Variants in TLL1 observed in about 807,000 individuals in gnomAD.
TLL1 encodes tolloid like 1, also known as tolloid-like protein 1.
Under a neutral mutation model 128.2 loss-of-function variants are expected in TLL1, and 49 were observed. That is an observed-to-expected ratio of 0.38 (90% CI 0.30 to 0.48). The LOEUF (loss-of-function observed/expected upper bound fraction) is 0.48. TLL1 is among the 20% of genes least tolerant of loss of function. The probability of loss-of-function intolerance (pLI) is 0.96; values close to 1 mark genes in which losing one functional copy is unlikely to be tolerated. For missense variants in TLL1, 1,123 were observed against 1,242.0 expected (o/e 0.90, Z 1.44); for synonymous variants, 454 against 418.8 (o/e 1.08, Z -1.03).
intron 7 of TLL1, 91 bp from the exon 8 acceptor site, chr4:166,014,345 C>A: frequency 6.3e-7 from 1 of 1,586,926 alleles, no homozygotes; most frequent in Non-Finnish European, 8.6e-7. Flanking sequence ...CTTTGATTGA[C>A]TTGAGTTTGA....
intron 9 of TLL1, among the ~76,000 whole-genome samples, chr4:166,026,679 C>T (rs1026889095): frequency 6.6e-6 from 1 of 150,868 alleles, no homozygotes; most frequent in African/African-American, 2.4e-5. Context: ...AAGAGCGAAA[C>T]TCTGTCTCAA....
At chr4:166,077,533 A>C (rs556938636) in intron 17 of TLL1, among the ~76,000 whole-genome samples, 1 of 152,190 alleles carries the variant, frequency 6.6e-6, no homozygotes, top group Non-Finnish European at 1.5e-5. Flanking sequence ...GGCATAGTCC[A>C]ATGATGTTTG....
chr4:165,961,963 T>C (rs1017795152), intron 1 of TLL1, among the ~76,000 whole-genome samples: 24 of 152,146 alleles, frequency 1.6e-4, no homozygotes, highest in African/African-American at 5.8e-4. Context: ...AAACATGACC[T>C]CAAAATACAA....
At chr4:165,936,164 T>TTA (rs1218057058) in intron 1 of TLL1, among the ~76,000 whole-genome samples, 1 of 149,988 alleles carries the variant, frequency 6.7e-6, no homozygotes, top group Admixed American at 6.6e-5. Context: ...CCACTATAAT[T>TTA]AAAATAATTA....
chr4:165,963,050 G>C (rs182414673), intron 1 of TLL1, among the ~76,000 whole-genome samples: 1 of 86,100 alleles, frequency 1.2e-5, no homozygotes, highest in Non-Finnish European at 1.8e-5. Context: ...GCGAGGCTCT[G>C]TCTCAAAAAA....
chr4:165,966,724 G>T lies in TLL1; in HGVS notation c.170-22657G>T, dbSNP rs144893855. Reference sequence around the variant, plus strand: ...TTATTATGGATTTCAAAAGGGGAGGGGTGTACAAATAGGGTATGGGTCACA... The same window carrying T: ...TTATTATGGATTTCAAAAGGGGAGGTGTGTACAAATAGGGTATGGGTCACA... On this transcript the variant is annotated intron_variant, in intron 1 of 20. Coordinates refer to ENST00000061240, the MANE Select transcript of TLL1 (RefSeq NM_012464.5). 1.9e-3 allele frequency among the ~76,000 whole-genome samples: 292 copies of T among 152,144 alleles called. 1 individual carries two copies. The highest frequency in any genetic ancestry group is 6.4e-3 in the African/African-American group (264 of 41,486).
chr4:165,876,752 C>A (rs1306152372), intron 1 of TLL1, among the ~76,000 whole-genome samples: 2 of 152,174 alleles, frequency 1.3e-5, no homozygotes, highest in African/African-American at 2.4e-5. Flanking sequence ...CTGTATTTGA[C>A]AATTACACTG....
At chr4:166,018,117 T>C (rs778080449) in intron 8 of TLL1, among the ~76,000 whole-genome samples, 1 of 152,136 alleles carries the variant, frequency 6.6e-6, no homozygotes, top group Non-Finnish European at 1.5e-5. Context: ...AAGCTGAGTA[T>C]TCCTTTGGAG....
intron 1 of TLL1, among the ~76,000 whole-genome samples, chr4:165,931,662 T>A (rs1247941676): frequency 6.9e-6 from 1 of 144,662 alleles, no homozygotes; most frequent in Non-Finnish European, 1.5e-5. Context: ...GAGCTTGCAG[T>A]GAGCTGAGAT....
chr4:166,065,883 G>T lies in TLL1; in HGVS notation c.2188+20G>T, dbSNP rs369437674. 7.7e-5 allele frequency: 113 copies of T among 1,468,050 alleles called. No individual in the cohort carries two copies. In the African/African-American group the frequency reaches 2.7e-3, roughly 35 times the overall value. 90.9% of individuals were successfully genotyped at this position (1,468,050 alleles called of 1,614,324 possible). ...TCTCAGGTATAAGCATTCACATGTT[G>T]TATGTGTATATTACAGATTTTCAAT... On this transcript the variant is annotated intron_variant, in intron 16 of 20. Coordinates refer to ENST00000061240, the MANE Select transcript of TLL1 (RefSeq NM_012464.5).
intron 1 of TLL1, among the ~76,000 whole-genome samples, chr4:165,896,903 C>T (rs925178449): frequency 3.0e-4 from 45 of 152,204 alleles, no homozygotes; most frequent in African/African-American, 9.9e-4. Context: ...CACATCCTCT[C>T]CAGCATCTGT....
chr4:166,043,809 T>G (rs899233675), intron 12 of TLL1, among the ~76,000 whole-genome samples: 96 of 120,030 alleles, frequency 8.0e-4, no homozygotes, highest in Non-Finnish European at 1.4e-3. Context: ...CAAAACATTT[T>G]TCACCTTTTT....
chr4:166,023,808 T>C (rs1738359050), intron 8 of TLL1, among the ~76,000 whole-genome samples: 1 of 152,234 alleles, frequency 6.6e-6, no homozygotes, highest in Admixed American at 6.5e-5. Flanking sequence ...GTATATTTAA[T>C]TTATTTAATT....
intron 1 of TLL1, among the ~76,000 whole-genome samples, chr4:165,953,094 G>T (rs1303380295): frequency 6.6e-6 from 1 of 152,080 alleles, no homozygotes; most frequent in Non-Finnish European, 1.5e-5. Context: ...AGCAGTTGTT[G>T]TTTTGTTGAA....
At chr4:165,963,354 T>A (rs979651820) in intron 1 of TLL1, among the ~76,000 whole-genome samples, 1 of 152,068 alleles carries the variant, frequency 6.6e-6, no homozygotes, top group South Asian at 2.1e-4. Context: ...AGAAAAGAAC[T>A]GTTGAGTTGG....
chr4:165,994,234 A>G, intron 3 of TLL1, 147 bp from the exon 4 acceptor site: 1 of 800,370 alleles, frequency 1.2e-6, no homozygotes, highest in Non-Finnish European at 2.0e-6. Context: ...ATGTAATATA[A>G]CTGAAGTTTT....
At position 165,950,996 on chromosome 4, in the gene TLL1, A is replaced by G. The variant is rs73860899; in HGVS notation, c.170-38385A>G. Among the ~76,000 whole-genome samples, 1,092 of 152,224 alleles carry G rather than the reference A, an allele frequency of 7.2e-3. 13 individuals carry two copies. The highest frequency in any genetic ancestry group is 0.024 in the African/African-American group (1,012 of 41,552). ...ATTCTTTGGGAACAAAATCAATAAC[A>G]TTGATAAAGTTCTAACCAGATTGAC... On this transcript the variant is annotated intron_variant, in intron 1 of 20. Transcript: ENST00000061240.
chr4:166,066,331 T>C (rs918676985), intron 16 of TLL1, among the ~76,000 whole-genome samples: 1 of 151,798 alleles, frequency 6.6e-6, no homozygotes, highest in African/African-American at 2.4e-5. Context: ...TTTGCACTTT[T>C]GTGTTTCAAA....
chr4:166,043,834 C>T (rs1442761750), intron 12 of TLL1, among the ~76,000 whole-genome samples: 8 of 148,732 alleles, frequency 5.4e-5, no homozygotes, highest in African/African-American at 2.0e-4. Flanking sequence ...TTTACCATAA[C>T]ACAGATAATT....
Sources: allele counts gnomAD v4.1 joint callset (sites outside exome capture counted in the v4.1 genomes callset), GRCh38; gene constraint gnomAD v4.1.1; transcripts MANE v1.5; gene names NCBI Gene and HGNC (gene_info 2026-07-23, HGNC 2026-07-21).